CHID1: variants seen among roughly 807,000 people sequenced by gnomAD.
CHID1 encodes chitinase domain-containing protein 1.
In CHID1, 44 loss-of-function variants were observed where a neutral mutation model predicts 55.4. The ratio of observed to expected loss-of-function variants is 0.79; its 90% CI spans 0.62 to 1.02. The LOEUF is 1.02. Ranked by LOEUF, CHID1 falls within the 50% of genes least tolerant of loss-of-function variation. The pLI is 0.00. For missense variants in CHID1, 491 were observed against 515.3 expected (o/e 0.95, Z 0.46); for synonymous variants, 216 against 212.9 (o/e 1.01, Z -0.13).
At chr11:885,612 A>G (rs1378434307) in intron 8 of CHID1, among the ~76,000 whole-genome samples, 1 of 152,076 alleles carries the variant, frequency 6.6e-6, no homozygotes, top group African/African-American at 2.4e-5. Context: ...CCTTCTCTAT[A>G]GCCAAGTGCC....
At chr11:902,521 C>T (rs758079988) in intron 3 of CHID1, among the ~76,000 whole-genome samples, 191 bp from the exon 4 acceptor site, 1 of 152,206 alleles carries the variant, frequency 6.6e-6, no homozygotes, top group African/African-American at 2.4e-5. Flanking sequence ...AGCCTGGGAC[C>T]CAGGCCACGA....
intron 1 of CHID1, among the ~76,000 whole-genome samples, chr11:905,811 T>C (rs1386747794): frequency 6.6e-6 from 1 of 152,088 alleles, no homozygotes; most frequent in Non-Finnish European, 1.5e-5. Context: ...TCCAGCTATA[T>C]GAGCAATGGG....
At chr11:899,474 C>A in intron 6 of CHID1, 73 bp from the exon 7 acceptor site, 1 of 1,375,494 alleles carries the variant, frequency 7.3e-7, no homozygotes, top group Non-Finnish European at 1.0e-6. Context: ...AGAAGCCCGC[C>A]ACCTCGGCCC....
chr11:883,352 C>G, intron 9 of CHID1, 49 bp from the exon 10 acceptor site: 1 of 1,566,684 alleles, frequency 6.4e-7, no homozygotes, highest in Non-Finnish European at 8.7e-7. Context: ...GGGCCCCGCA[C>G]CTGAGCCATC....
chr11:910,184 T>G (rs1303566790), intron 1 of CHID1, among the ~76,000 whole-genome samples: 1 of 151,982 alleles, frequency 6.6e-6, no homozygotes, highest in East Asian at 1.9e-4. Context: ...CACCCTCCAG[T>G]TTGGACAGTC....
At chr11:893,402 CCCA>C (rs1565186232) in intron 8 of CHID1, 22 bp downstream of exon 8, 2 of 1,538,376 alleles carry the variant, frequency 1.3e-6, no homozygotes, top group Admixed American at 4.0e-5. Context: ...CACAGCCACC[CCCA>C]CATCTCAAGA....
At chr11:902,161 T>G in intron 4 of CHID1, 37 bp downstream of exon 4, 1 of 1,611,122 alleles carries the variant, frequency 6.2e-7, no homozygotes, top group African/African-American at 1.3e-5. Context: ...CTTTTCAGCC[T>G]GTGGGGCAAG....
Position 896,993 on chromosome 11 carries a change from C to T in CHID1, c.608+2347G>A, listed in dbSNP as rs188112800. ...GTCTCAGCACCCCCAGCCTCCATCC[C>T]AGACACGAGCCTGTCTCAGCACCCC... On this transcript the variant is annotated intron_variant, in intron 7 of 12. Transcript: ENST00000323578. Among the ~76,000 whole-genome samples the T allele has an allele frequency of 3.2e-3, 412 of 127,156 alleles. 7 individuals are homozygous for T. Among genetic ancestry groups the T allele is most frequent in the African/African-American group, 0.013 (394 of 31,216 alleles). 83.4% of individuals were successfully genotyped at this position (127,156 alleles called of 152,430 possible).
chr11:871,635 G>A (rs756207591), intron 10 of CHID1, among the ~76,000 whole-genome samples: 111 of 48,746 alleles, frequency 2.3e-3, no homozygotes, highest in Non-Finnish European at 4.6e-3. Context: ...CCACGTGCCT[G>A]GGGCTGCAGC....
chr11:892,180 A>G (rs1850890489), intron 8 of CHID1, among the ~76,000 whole-genome samples: 1 of 152,028 alleles, frequency 6.6e-6, no homozygotes, highest in Non-Finnish European at 1.5e-5. Flanking sequence ...CACAGGTGAG[A>G]CCCCAGCCCT....
chr11:884,354 CAG>C (rs1340766465), intron 8 of CHID1, among the ~76,000 whole-genome samples, 185 bp from the exon 9 acceptor site: 7 of 152,200 alleles, frequency 4.6e-5, no homozygotes, highest in East Asian at 1.9e-4. Flanking sequence ...CTGGGAGACA[CAG>C]GGGGATGTGG....
At chr11:893,951 G>A (rs1178337064) in intron 7 of CHID1, among the ~76,000 whole-genome samples, 3 of 151,822 alleles carry the variant, frequency 2.0e-5, no homozygotes, top group Non-Finnish European at 4.4e-5. Flanking sequence ...GCGAAACCCC[G>A]CCTCTACTAA....
rs201468834 is a variant in CHID1, at chr11:900,908, G to A, written c.439+28C>T. Reference sequence around the variant, plus strand: ...CACCCCCGCAGTTTGAGCCATCAGGGCCTCCACTCCTGGCCTGCCGCACTT... The same window carrying A: ...CACCCCCGCAGTTTGAGCCATCAGGACCTCCACTCCTGGCCTGCCGCACTT... On this transcript the variant is annotated intron_variant, in intron 5 of 12. Coordinates refer to ENST00000323578, the MANE Select transcript of CHID1 (RefSeq NM_023947.4). 2.1e-5 allele frequency: 33 copies of A among 1,590,432 alleles called. No homozygotes were observed. In the African/African-American group the frequency reaches 3.1e-4, roughly 15 times the overall value.
At chr11:896,836 C>T (rs1410415341) in intron 7 of CHID1, among the ~76,000 whole-genome samples, 1 of 146,576 alleles carries the variant, frequency 6.8e-6, no homozygotes, top group Non-Finnish European at 1.5e-5. Flanking sequence ...CAGCCTCCAC[C>T]ACAGAAACTA....
upstream of CHID1, among the ~76,000 whole-genome samples, chr11:912,658 C>T (rs534392490): frequency 5.9e-5 from 9 of 152,136 alleles, no homozygotes; most frequent in Non-Finnish European, 1.3e-4. Context: ...TCCTGATTAA[C>T]ACGGTGAAAC....
At chr11:881,962 C>A (rs1223768850) in intron 10 of CHID1, among the ~76,000 whole-genome samples, 1 of 149,482 alleles carries the variant, frequency 6.7e-6, no homozygotes, top group African/African-American at 2.5e-5. Context: ...TATGATCACA[C>A]CAGTGCACTG....
At chr11:907,800 A>G (rs1238560950) in intron 1 of CHID1, among the ~76,000 whole-genome samples, 1 of 152,176 alleles carries the variant, frequency 6.6e-6, no homozygotes, top group Non-Finnish European at 1.5e-5. Flanking sequence ...CTCAGGCCCA[A>G]GAGGCTCCAG....
At chr11:908,853 C>G (rs1244880688) in intron 1 of CHID1, among the ~76,000 whole-genome samples, 1 of 152,216 alleles carries the variant, frequency 6.6e-6, no homozygotes, top group Non-Finnish European at 1.5e-5. Flanking sequence ...TCCCTGCCCC[C>G]CAACCTGTGA....
intron 10 of CHID1, among the ~76,000 whole-genome samples, chr11:878,750 G>T (rs1232058599): frequency 6.6e-6 from 1 of 151,738 alleles, no homozygotes. Context: ...TGCCCAGGCT[G>T]GAGTGCAATG....
Sources: allele counts gnomAD v4.1 joint callset (sites outside exome capture counted in the v4.1 genomes callset), GRCh38; gene constraint gnomAD v4.1.1; transcripts MANE v1.5; gene names NCBI Gene and HGNC (gene_info 2026-07-23, HGNC 2026-07-21).